The following CADPS variants were observed in gnomAD, a reference collection of about 807,000 sequenced individuals.
CADPS encodes calcium dependent secretion activator, also known as calcium-dependent secretion activator 1.
CADPS carries 57 observed loss-of-function variants against 167.3 expected under a neutral mutation model. The observed-to-expected ratio is 0.34, with a 90% confidence interval of 0.28 to 0.42. CADPS has a LOEUF of 0.42. Among genes scored for constraint, CADPS ranks in the 20% least tolerant of loss-of-function variants. The probability of loss-of-function intolerance (pLI) is 1.00; values close to 1 mark genes in which losing one functional copy is unlikely to be tolerated. For synonymous variants in CADPS, 676 were observed against 635.3 expected (o/e 1.06, Z -0.96); for missense variants, 1,414 against 1,738.1 (o/e 0.81, Z 3.32).
At chr3:62,703,207 C>G (rs2081735093) in intron 3 of CADPS, among the ~76,000 whole-genome samples, 2 of 152,086 alleles carry the variant, frequency 1.3e-5, no homozygotes, top group African/African-American at 4.8e-5. Context: ...TGTGTACGCC[C>G]TTCAACTCTT....
chr3:62,449,630 A>G (rs2057749766), intron 26 of CADPS, among the ~76,000 whole-genome samples: 2 of 152,182 alleles, frequency 1.3e-5, no homozygotes, highest in South Asian at 4.1e-4. Flanking sequence ...TGCACCAGGC[A>G]CTGTATCTAG....
intron 19 of CADPS, among the ~76,000 whole-genome samples, chr3:62,493,011 T>C (rs1307200739): frequency 6.6e-6 from 1 of 152,242 alleles, no homozygotes; most frequent in East Asian, 1.9e-4. Context: ...ACAAAACTTT[T>C]GAGTTGTAAT....
intron 28 of CADPS, chr3:62,404,276 C>T (rs188061673): frequency 6.8e-4 from 104 of 152,660 alleles, no homozygotes; most frequent in Non-Finnish European, 1.1e-3. Context: ...CATACTCTCA[C>T]GCTAACCAAT....
In CADPS at chr3:62,445,899, C is replaced by T. The variant is rs1367358629; in HGVS notation, c.3637-102G>A. On this transcript the variant is annotated intron_variant, in intron 26 of 29. Coordinates refer to ENST00000383710, the MANE Select transcript of CADPS (RefSeq NM_003716.4). ...TCAGAATCAAAACAACATGCTGGCA[C>T]ATGGAGCTGACCAGGAAAAACAGAA... is the stretch of plus-strand genomic sequence containing the variant. 5.3e-6 allele frequency: 4 copies of T among 761,482 alleles called. No homozygotes were observed. The African/African-American group carries it at 7.2e-5, about 14-fold the overall frequency. 47.2% of individuals were successfully genotyped at this position (761,482 alleles called of 1,614,324 possible).
At chr3:62,587,402 G>A (rs1243636888) in intron 7 of CADPS, among the ~76,000 whole-genome samples, 2 of 152,176 alleles carry the variant, frequency 1.3e-5, no homozygotes, top group African/African-American at 4.8e-5. Flanking sequence ...CCTGTATCAT[G>A]TACCACATCC....
intron 21 of CADPS, among the ~76,000 whole-genome samples, chr3:62,486,641 A>C (rs1202299027): frequency 1.3e-5 from 2 of 152,188 alleles, no homozygotes; most frequent in African/African-American, 4.8e-5. Context: ...AGGGCAAGAG[A>C]GCCCCAAAGT....
intron 5 of CADPS, among the ~76,000 whole-genome samples, chr3:62,649,758 C>T (rs924870254): frequency 2.6e-5 from 4 of 151,422 alleles, no homozygotes; most frequent in African/African-American, 7.3e-5. Flanking sequence ...CACTATGTTG[C>T]CCAGGCTGGT....
In CADPS at chr3:62,811,568, T is replaced by G. The variant is rs146096677; in HGVS notation, c.442-45584A>C. 2.3e-3 allele frequency among the ~76,000 whole-genome samples: 355 copies of G among 152,338 alleles called. 3 individuals are homozygous for G. Among genetic ancestry groups the G allele is most frequent in the African/African-American group, 7.9e-3 (327 of 41,570 alleles). Reference sequence around the variant, plus strand: ...TCTTATCTCAATCCTATCCCATCATTCAAAGCCCAGCTTAAGGCTTCCTAA... The same window carrying G: ...TCTTATCTCAATCCTATCCCATCATGCAAAGCCCAGCTTAAGGCTTCCTAA... On this transcript the variant is annotated intron_variant, in intron 1 of 29. Coordinates refer to ENST00000383710, the MANE Select transcript of CADPS (RefSeq NM_003716.4).
chr3:62,599,199 A>G (rs949232308), intron 6 of CADPS, among the ~76,000 whole-genome samples: 1 of 151,922 alleles, frequency 6.6e-6, no homozygotes, highest in Non-Finnish European at 1.5e-5. Context: ...TAACTGACTA[A>G]CTTCTCTCTG....
At chr3:62,873,368 G>A (rs2082980176) in intron 1 of CADPS, among the ~76,000 whole-genome samples, 1 of 152,202 alleles carries the variant, frequency 6.6e-6, no homozygotes, top group African/African-American at 2.4e-5. Flanking sequence ...TCAGACACTA[G>A]TCTCACAGTC....
intron 28 of CADPS, among the ~76,000 whole-genome samples, chr3:62,405,136 T>TGG (rs34330263): frequency 7.3e-5 from 9 of 123,546 alleles, no homozygotes; most frequent in African/African-American, 3.1e-4. Flanking sequence ...ACATGTAATC[T>TGG]GGGGGGGGGG....
chr3:62,702,407 G>A (rs1225159237), intron 3 of CADPS, among the ~76,000 whole-genome samples: 3 of 152,132 alleles, frequency 2.0e-5, no homozygotes, highest in African/African-American at 7.2e-5. Context: ...AGCCTGTCGG[G>A]GGAAGAATGA....
In CADPS at chr3:62,421,935, T is replaced by C. The variant is rs1329598207; in HGVS notation, c.3777+16169A>G. Among the ~76,000 whole-genome samples the C allele has an allele frequency of 6.6e-6, 1 of 152,236 alleles. No homozygotes were observed. The highest frequency in any genetic ancestry group is 6.5e-5 in the Admixed American group (1 of 15,290). On this transcript the variant is annotated intron_variant, in intron 28 of 29. Transcript: ENST00000383710. The surrounding 1 kb of genome is among the most constrained non-coding windows in gnomAD (Gnocchi z 4.7). ...ATTAATTTTATTCTTTTTTCCTTTG[T>C]AAAGCAGGTTGTGTTATTTACATAT...
Position 62,772,349 on chromosome 3 carries a change from T to C in CADPS, c.442-6365A>G, listed in dbSNP as rs80052081. ...TCGCTTGCTATTATGGGTGGCCATG[T>C]AACAGATGCAGAAAACTACTGGGGG... On this transcript the variant is annotated intron_variant, in intron 1 of 29. Coordinates refer to ENST00000383710, the MANE Select transcript of CADPS (RefSeq NM_003716.4). 3.5e-3 allele frequency among the ~76,000 whole-genome samples: 534 copies of C among 152,308 alleles called. 10 individuals are homozygous for C. In the East Asian group the frequency reaches 0.048, roughly 14 times the overall value.
At chr3:62,532,598 G>A (rs1336156341) in intron 13 of CADPS, among the ~76,000 whole-genome samples, 2 of 152,102 alleles carry the variant, frequency 1.3e-5, no homozygotes, top group African/African-American at 4.8e-5. Context: ...CAGGGTTATT[G>A]CTAGTAAATG....
intron 6 of CADPS, among the ~76,000 whole-genome samples, chr3:62,610,777 T>C (rs1303143612): frequency 6.6e-6 from 1 of 152,080 alleles, no homozygotes; most frequent in Non-Finnish European, 1.5e-5. Context: ...CCAGGCCTCC[T>C]CAGTCCCCTT....
chr3:62,428,597 T>C (rs1365824004), intron 28 of CADPS, among the ~76,000 whole-genome samples: 1 of 152,188 alleles, frequency 6.6e-6, no homozygotes, highest in Non-Finnish European at 1.5e-5. Context: ...ACACATGGAC[T>C]TCTTGAGTAA....
At chr3:62,614,115 C>T (rs564909945) in intron 6 of CADPS, among the ~76,000 whole-genome samples, 2 of 152,134 alleles carry the variant, frequency 1.3e-5, no homozygotes, top group South Asian at 4.1e-4. Flanking sequence ...TCAATTCAGC[C>T]TAACAGCTCC....
At chr3:62,732,940 G>A (rs1166869656) in intron 3 of CADPS, among the ~76,000 whole-genome samples, 1 of 152,196 alleles carries the variant, frequency 6.6e-6, no homozygotes, top group Non-Finnish European at 1.5e-5. Context: ...AGTTGTGATG[G>A]AGGGTGTGTG....
Sources: allele counts gnomAD v4.1 joint callset (sites outside exome capture counted in the v4.1 genomes callset), GRCh38; gene constraint gnomAD v4.1.1; non-coding constraint Gnocchi (gnomAD v3.1); transcripts MANE v1.5; gene names NCBI Gene and HGNC (gene_info 2026-07-23, HGNC 2026-07-21).